Variants in MLXIP observed in about 807,000 individuals in gnomAD.
MLXIP encodes the protein MLX interacting protein, also known as MLX-interacting protein.
Under a neutral mutation model 87.2 loss-of-function variants are expected in MLXIP, and 30 were observed. The observed-to-expected ratio is 0.34, with a 90% CI of 0.26 to 0.47. The LOEUF (loss-of-function observed/expected upper bound fraction) is 0.47. Ranked by LOEUF, MLXIP falls within the 20% of genes least tolerant of loss-of-function variation. The pLI is 1.00. For missense variants in MLXIP, 1,002 were observed against 1,240.1 expected (o/e 0.81, Z 2.88); for synonymous variants, 530 against 514.0 (o/e 1.03, Z -0.42).
intron 8 of MLXIP, 161 bp downstream of exon 8, chr12:122,132,544 T>C: frequency 3.2e-6 from 2 of 618,706 alleles, no homozygotes; most frequent in Non-Finnish European, 5.7e-6. Context: ...CACGATTCCA[T>C]CCCTCTTTTA....
intron 1 of MLXIP, among the ~76,000 whole-genome samples, chr12:122,110,547 A>G (rs1004610514): frequency 6.6e-6 from 1 of 151,764 alleles, no homozygotes; most frequent in Non-Finnish European, 1.5e-5. Context: ...TCGGCCTCCT[A>G]AAGTGCTGGG....
intron 8 of MLXIP, chr12:122,132,921 T>C (rs1473857098): frequency 1.1e-5 from 2 of 174,856 alleles, no homozygotes; most frequent in Non-Finnish European, 2.4e-5. Context: ...GAACCATTGA[T>C]TCCTCGTAGC....
intron 1 of MLXIP, among the ~76,000 whole-genome samples, chr12:122,087,603 G>A (rs571896173): frequency 7.9e-4 from 120 of 152,350 alleles, no homozygotes; most frequent in Non-Finnish European, 1.4e-3. Flanking sequence ...TCAGAATGTA[G>A]AGGGCAGGAG....
At position 122,080,960 on chromosome 12, in the gene MLXIP, AT is replaced by A. The variant is rs1037307056; in HGVS notation, c.413+1695del. 1.1e-3 allele frequency among the ~76,000 whole-genome samples: 168 copies of A among 152,322 alleles called. 1 individual carries two copies. Among genetic ancestry groups the A allele is most frequent in the African/African-American group, 3.8e-3 (157 of 41,582 alleles). Reference sequence around the variant, plus strand: ...AGAGAATGGATGAGTCACGGGGGGCATGGACTGGAAAGGTCTCACCTAAGTA... The same window carrying A: ...AGAGAATGGATGAGTCACGGGGGGCAGGACTGGAAAGGTCTCACCTAAGTA... On this transcript the variant is annotated intron_variant, in intron 1 of 16. Transcript: ENST00000319080.
At chr12:122,093,462 T>G in intron 1 of MLXIP, among the ~76,000 whole-genome samples, 1 of 140,002 alleles carries the variant, frequency 7.1e-6, no homozygotes, top group African/African-American at 2.7e-5. Flanking sequence ...GGTGTGTGTA[T>G]GTTTGCGGTG....
At position 122,127,932 on chromosome 12, in the gene MLXIP, C is replaced by G. The variant is rs757224796; in HGVS notation, c.570C>G (p.Asp190Glu). 1.2e-6 allele frequency: 2 copies of G among 1,613,782 alleles called. No homozygotes were observed. Among genetic ancestry groups the G allele is most frequent in the African/African-American group, 1.3e-5 (1 of 75,044 alleles). Residue 190 changes from aspartate to glutamate, a missense_variant, in exon 3 of 17, where the codon GAC (aspartate) becomes GAG (glutamate). This residue lies in a region of MLXIP where 127 missense variants were observed against 239.0 expected (regional missense o/e 0.53). Transcript: ENST00000319080. ...TGTGCCACTTTGTGACACCCCTGGA[C>G]GGCTCTGTGGACGTAGACGAGCACC... is the stretch of plus-strand genomic sequence containing the variant. ...NPVCHFVTPL[D>E]GSVDVDEHRR...
At chr12:122,108,073 T>A (rs1952548595) in intron 1 of MLXIP, among the ~76,000 whole-genome samples, 1 of 152,162 alleles carries the variant, frequency 6.6e-6, no homozygotes, top group Non-Finnish European at 1.5e-5. Context: ...TTTTATGACA[T>A]TAAGACAGAA....
At chr12:122,114,730 G>T (rs1191916948) in intron 1 of MLXIP, among the ~76,000 whole-genome samples, 1 of 146,176 alleles carries the variant, frequency 6.8e-6, no homozygotes, top group East Asian at 2.0e-4. Flanking sequence ...CTTTGGGAAG[G>T]TGACTTCTTT....
chr12:122,140,860 C>T (rs1953187655), intron 15 of MLXIP, 94 bp from the exon 16 acceptor site: 1 of 1,586,128 alleles, frequency 6.3e-7, no homozygotes, highest in African/African-American at 1.3e-5. Context: ...ACTTTCCAGC[C>T]CCAGGGGAAA....
At chr12:122,116,089 A>AC (rs1952687531) in intron 1 of MLXIP, among the ~76,000 whole-genome samples, 1 of 130,014 alleles carries the variant, frequency 7.7e-6, no homozygotes, top group Non-Finnish European at 1.6e-5. Flanking sequence ...CACACACACA[A>AC]CATTGACATT....
Position 122,130,975 on chromosome 12 carries a change from C to T in MLXIP, c.1000+42C>T, listed in dbSNP as rs754782825. On this transcript the variant is annotated intron_variant, in intron 7 of 16. Coordinates refer to ENST00000319080, the MANE Select transcript of MLXIP (RefSeq NM_014938.6). ...GAGAGAGCACGGTTGCCTCCATCTC[C>T]CCCAGCCCAGCACAGAGCAGATCGC... 26 of 1,298,748 alleles carry T rather than the reference C, an allele frequency of 2.0e-5. 1 individual carries two copies. In the South Asian group the frequency reaches 2.5e-4, roughly 12 times the overall value. The allele number at this position is 1,298,748 out of a possible 1,614,324, so 80.5% of individuals were successfully genotyped here.
Position 122,135,434 on chromosome 12 carries a change from G to A in MLXIP, c.1855-55G>A, listed in dbSNP as rs1953069983. 2 of 1,605,360 alleles carry A rather than the reference G, an allele frequency of 1.2e-6. No homozygotes were observed. The highest frequency in any genetic ancestry group is 1.3e-5 in the African/African-American group (1 of 74,862). On this transcript the variant is annotated intron_variant, in intron 10 of 16. Coordinates refer to ENST00000319080, the MANE Select transcript of MLXIP (RefSeq NM_014938.6). The surrounding 1 kb of genome is among the most constrained non-coding windows in gnomAD (Gnocchi z 5.3). ...GGCCCTCACCTGAGACGACTGGTGT[G>A]CCGCCCTGCTGTATATCAGCAGTCA...
At chr12:122,086,406 C>T (rs1273778618) in intron 1 of MLXIP, among the ~76,000 whole-genome samples, 2 of 152,052 alleles carry the variant, frequency 1.3e-5, no homozygotes, top group Non-Finnish European at 2.9e-5. Flanking sequence ...ATAGGAGGGC[C>T]CTGGTTATAA....
chr12:122,085,720 A>T (rs1952158948), intron 1 of MLXIP, among the ~76,000 whole-genome samples: 2 of 152,102 alleles, frequency 1.3e-5, no homozygotes, highest in South Asian at 4.1e-4. Context: ...CCTTTGTGGA[A>T]TGGTGCTTTA....
chr12:122,132,478 C>A, intron 8 of MLXIP, 95 bp downstream of exon 8: 2 of 957,108 alleles, frequency 2.1e-6, no homozygotes, highest in Non-Finnish European at 3.2e-6. Flanking sequence ...ATGGCATAGC[C>A]ACACAGTCAC....
At chr12:122,136,142 A>G (rs7961648) in intron 11 of MLXIP, 2,960 of 157,516 alleles carry the variant, frequency 0.019, 103 homozygotes, top group African/African-American at 0.068. Context: ...GGGGCAAGAT[A>G]GTCAGAGCAG....
In MLXIP at chr12:122,078,997, C is replaced by T. The variant is rs778742600; in HGVS notation, c.144C>T (p.Thr48=). ...CGCCGCCCGCCTCCGGCGCGGCCAC[C>T]CCGGCCCGGGCCCACGCGAGCGCCG... ...PSPPPASGAA[T]PARAHASAAP... Residue 48 remains threonine, a synonymous_variant, in exon 1 of 17, where the codon ACC becomes ACT. Coordinates refer to ENST00000319080, the MANE Select transcript of MLXIP (RefSeq NM_014938.6). 2 of 1,135,312 alleles carry T rather than the reference C, an allele frequency of 1.8e-6. No individual in the cohort carries two copies. Among genetic ancestry groups the T allele is most frequent in the Non-Finnish European group, 2.2e-6 (2 of 926,802 alleles). 70.3% of individuals were successfully genotyped at this position (1,135,312 alleles called of 1,614,324 possible).
chr12:122,086,119 G>T (rs1053719245), intron 1 of MLXIP, among the ~76,000 whole-genome samples: 3 of 152,218 alleles, frequency 2.0e-5, no homozygotes, highest in African/African-American at 4.8e-5. Context: ...GGGCCCCTCA[G>T]AGCTGGAAAA....
intron 1 of MLXIP, among the ~76,000 whole-genome samples, chr12:122,126,373 G>A (rs1952881684): frequency 6.6e-6 from 1 of 152,224 alleles, no homozygotes. Flanking sequence ...TCCCCGAGTG[G>A]AGGAGAGCAG....
Sources: gnomAD v4.1 joint callset for allele counts (sites outside exome capture counted in the v4.1 genomes callset) on GRCh38, gnomAD v4.1.1 for gene constraint, gnomAD v4.1.1 regional missense constraint, Gnocchi (gnomAD v3.1) non-coding constraint, MANE v1.5 for transcripts, NCBI Gene and HGNC (gene_info 2026-07-23, HGNC 2026-07-21) for gene names.